The following PHEX variants were observed in gnomAD, a reference collection of about 807,000 sequenced individuals.
PHEX encodes phosphate regulating endopeptidase X-linked.
In PHEX, 16 loss-of-function variants were observed where a neutral mutation model predicts 68.0. That is an observed-to-expected ratio of 0.24 (90% CI 0.16 to 0.36). The LOEUF is 0.36. Ranked by LOEUF, PHEX falls within the 10% of genes least tolerant of loss-of-function variation. PHEX has a pLI of 1.00. For synonymous variants in PHEX, 208 were observed against 205.1 expected (o/e 1.01, Z -0.12); for missense variants, 480 against 575.5 (o/e 0.83, Z 1.70).
chrX:22,075,146 A>G (rs1052763340), intron 3 of PHEX, among the ~76,000 whole-genome samples: 2 of 110,190 alleles, frequency 1.8e-5, no homozygotes, highest in African/African-American at 6.6e-5. Flanking sequence ...AAGAAAGAAA[A>G]CACCAAACAA....
chrX:22,128,226 T>C (rs1369037863), intron 11 of PHEX, among the ~76,000 whole-genome samples: 2 of 107,955 alleles, frequency 1.9e-5, no homozygotes, highest in African/African-American at 3.4e-5. Context: ...ACCTGGCTAA[T>C]TTCTTTTTTT....
chrX:22,173,659 T>C (rs1040590526), intron 13 of PHEX, among the ~76,000 whole-genome samples: 4 of 111,107 alleles, frequency 3.6e-5, no homozygotes, highest in Non-Finnish European at 5.7e-5. Context: ...TGTTGCTTTG[T>C]TGTTTGAATA....
At chrX:22,212,509 TTAAAC>T (rs1184169264) in intron 15 of PHEX, among the ~76,000 whole-genome samples, 3 of 111,436 alleles carry the variant, frequency 2.7e-5, no homozygotes, top group African/African-American at 9.8e-5. Flanking sequence ...CAGGAGAAGA[TTAAAC>T]TAAGTGCAGG....
At position 22,168,406 on chromosome X, in the gene PHEX, C is replaced by T. The variant is rs781399564; in HGVS notation, c.1482+17C>T. 2 of 1,079,934 alleles carry T rather than the reference C, an allele frequency of 1.9e-6. No homozygotes were observed. Among genetic ancestry groups the T allele is most frequent in the Non-Finnish European group, 2.6e-6 (2 of 775,753 alleles). The allele number at this position is 1,079,934 out of a possible 1,213,427, so 89.0% of individuals were successfully genotyped here. A position where few individuals can be genotyped will look rare whatever the true frequency, so the allele number is the denominator to read the frequency against. On this transcript the variant is annotated intron_variant, in intron 13 of 21. Transcript: ENST00000379374. The stretch of plus-strand genomic sequence containing the variant: ...CTCAAAGCTGTAAGTGCTAAATTTA[C>T]TGTACTTTTTTTTTTCTGGCAAGTT...
chrX:22,134,043 T>C (rs1890849035), intron 12 of PHEX, among the ~76,000 whole-genome samples: 1 of 111,741 alleles, frequency 8.9e-6, no homozygotes, highest in African/African-American at 3.3e-5. Flanking sequence ...TTCTGCTCTG[T>C]GCATGATGCA....
intron 3 of PHEX, among the ~76,000 whole-genome samples, chrX:22,047,510 A>G (rs1392684534): frequency 1.8e-5 from 2 of 112,240 alleles, no homozygotes; most frequent in Non-Finnish European, 3.8e-5. Flanking sequence ...TGAAAATTAT[A>G]TCAATATACT....
intron 12 of PHEX, among the ~76,000 whole-genome samples, chrX:22,135,419 G>A (rs760470815): frequency 1.8e-5 from 2 of 112,200 alleles, no homozygotes; most frequent in Admixed American, 9.5e-5. Flanking sequence ...CTTTATCCTC[G>A]CCTGACCCCA....
At chrX:22,121,966 C>G (rs1455791362) in intron 11 of PHEX, among the ~76,000 whole-genome samples, 3 of 111,933 alleles carry the variant, frequency 2.7e-5, no homozygotes, top group Non-Finnish European at 5.6e-5. Context: ...TTTGAACTTG[C>G]AACCTCAATA....
chrX:22,235,147 C>G (rs192107873), intron 20 of PHEX, among the ~76,000 whole-genome samples: 52 of 111,849 alleles, frequency 4.6e-4, no homozygotes, highest in African/African-American at 1.6e-3. Flanking sequence ...TCGGCTTGCC[C>G]TCTGTGGCCT....
At chrX:22,238,674 C>A (rs182517684) in intron 20 of PHEX, among the ~76,000 whole-genome samples, 8 of 111,779 alleles carry the variant, frequency 7.2e-5, no homozygotes, top group African/African-American at 2.6e-4. Context: ...AGGTAGAGCC[C>A]ACAGCAGTTC....
rs1465397690 is a variant in PHEX at position 22,174,584 on chromosome X, T to A, written c.1483-3689T>A. 8.9e-5 allele frequency among the ~76,000 whole-genome samples: 10 copies of A among 112,097 alleles called. 2 individuals are homozygous for A. The highest frequency in any genetic ancestry group is 8.5e-4 in the Admixed American group (9 of 10,568). On this transcript the variant is annotated intron_variant, in intron 13 of 21. Coordinates refer to ENST00000379374, the MANE Select transcript of PHEX (RefSeq NM_000444.6). ...AAAGTGTTCTGAGCCCAAGAACATA[T>A]CTGAATTTTCTATCAGTTATAATCA... is the stretch of plus-strand genomic sequence containing the variant.
At chrX:22,157,809 G>C (rs1184794150) in intron 12 of PHEX, among the ~76,000 whole-genome samples, 1 of 111,641 alleles carries the variant, frequency 9.0e-6, no homozygotes, top group East Asian at 2.8e-4. Context: ...GGTTGAGGGT[G>C]GATGACCTGA....
intron 20 of PHEX, among the ~76,000 whole-genome samples, chrX:22,236,364 C>T (rs1303339502): frequency 2.7e-5 from 3 of 112,695 alleles, no homozygotes; most frequent in Non-Finnish European, 3.7e-5. Flanking sequence ...TTTATCTCCA[C>T]AGCTAATCTT....
Position 22,221,699 on chromosome X carries a change from A to T in PHEX, c.1855A>T (p.Ile619Phe). 8.3e-7 allele frequency: 1 copy of T among 1,203,725 alleles called. No homozygotes were observed. The highest frequency in any genetic ancestry group is 2.2e-5 in the Admixed American group (1 of 46,088). The change falls in exon 18 of 22, where the codon ATT becomes TTT. Residue 619 changes from isoleucine to phenylalanine, a missense_variant. Coordinates refer to ENST00000379374, the MANE Select transcript of PHEX (RefSeq NM_000444.6). Reference sequence around the variant, plus strand: ...GTTTAAGGAAAAAACAAAATGCATGATTAACCAGTATAGCAACTATTATTG... The same window carrying T: ...GTTTAAGGAAAAAACAAAATGCATGTTTAACCAGTATAGCAACTATTATTG... ...EKFKEKTKCM[I>F]NQYSNYYWKK...
intron 3 of PHEX, among the ~76,000 whole-genome samples, chrX:22,067,000 T>G (rs1052769468): frequency 1.8e-4 from 20 of 110,405 alleles, no homozygotes; most frequent in Non-Finnish European, 3.4e-4. Flanking sequence ...TCCCAACACG[T>G]TGGGAGGTTG....
At chrX:22,242,965 A>T (rs773226943) in intron 20 of PHEX, among the ~76,000 whole-genome samples, 1 of 112,209 alleles carries the variant, frequency 8.9e-6, no homozygotes, top group African/African-American at 3.2e-5. Context: ...AGGAGCCCAT[A>T]TAACCAAGAC....
intron 11 of PHEX, among the ~76,000 whole-genome samples, chrX:22,115,538 C>T: frequency 9.0e-6 from 1 of 111,577 alleles, no homozygotes; most frequent in East Asian, 2.8e-4. Flanking sequence ...TTTTAGATCC[C>T]CATAACTTAT....
At chrX:22,036,052 ATATTTTTTT>A (rs1926999066) in intron 1 of PHEX, among the ~76,000 whole-genome samples, 1 of 58,427 alleles carries the variant, frequency 1.7e-5, no homozygotes, top group African/African-American at 8.2e-5. Flanking sequence ...ATATATATAT[ATATTTTTTT>A]TTTTTTTTTT....
intron 14 of PHEX, among the ~76,000 whole-genome samples, chrX:22,184,241 TTG>T (rs1310645407): frequency 2.7e-5 from 3 of 109,330 alleles, no homozygotes; most frequent in African/African-American, 1.0e-4. Context: ...CTTTTCCTTC[TTG>T]TTTTTTTTTT....
Sources: allele counts gnomAD v4.1 joint callset (sites outside exome capture counted in the v4.1 genomes callset), GRCh38; gene constraint gnomAD v4.1.1; transcripts MANE v1.5; gene names NCBI Gene and HGNC (gene_info 2026-07-23, HGNC 2026-07-21).